Variants in RNF182 observed in about 807,000 individuals in gnomAD.
RNF182 encodes E3 ubiquitin-protein ligase RNF182.
In RNF182, 15 loss-of-function variants were observed where a neutral mutation model predicts 14.4. The ratio of observed to expected loss-of-function variants is 1.04; its 90% CI spans 0.70 to 1.60. RNF182 has a LOEUF of 1.60. Among genes scored for constraint, RNF182 ranks in the 40% most tolerant of loss-of-function variants. The pLI is 0.00. For missense variants in RNF182, 268 were observed against 294.8 expected, an observed-to-expected ratio of 0.91 and a Z score of 0.67; for synonymous variants, 128 against 122.9, an observed-to-expected ratio of 1.04 and a Z score of -0.27.
At chr6:13,971,155 A>G (rs1027590891) in intron 1 of RNF182, among the ~76,000 whole-genome samples, 1 of 151,964 alleles carries the variant, frequency 6.6e-6, no homozygotes, top group South Asian at 2.1e-4. Flanking sequence ...CCCCACCCAA[A>G]TCTCACCTTG....
intron 1 of RNF182, among the ~76,000 whole-genome samples, chr6:13,930,336 C>T (rs1270817527): frequency 2.0e-5 from 3 of 152,150 alleles, no homozygotes; most frequent in Non-Finnish European, 4.4e-5. Flanking sequence ...TGGAGCCAGC[C>T]CCCCTGCAGA....
At chr6:13,958,250 G>A (rs1259010067) in intron 1 of RNF182, among the ~76,000 whole-genome samples, 4 of 152,034 alleles carry the variant, frequency 2.6e-5, no homozygotes, top group African/African-American at 9.7e-5. Context: ...GCTGGGTGTG[G>A]TGGTGTGCGC....
At chr6:13,927,818 A>G (rs915193285) in intron 1 of RNF182, among the ~76,000 whole-genome samples, 23 of 152,250 alleles carry the variant, frequency 1.5e-4, no homozygotes, top group Non-Finnish European at 5.9e-5. Context: ...TAGCATTTAT[A>G]AAAGCACATT....
chr6:13,926,798 T>G (rs1424960232), intron 1 of RNF182, among the ~76,000 whole-genome samples: 63 of 152,058 alleles, frequency 4.1e-4, no homozygotes, highest in African/African-American at 1.3e-3. Context: ...TGTGTTTTTT[T>G]TTTTTTCCTG....
intron 1 of RNF182, among the ~76,000 whole-genome samples, chr6:13,957,042 T>C (rs945286773): frequency 1.3e-5 from 2 of 152,212 alleles, no homozygotes; most frequent in Non-Finnish European, 2.9e-5. Context: ...CCAAGGAATC[T>C]GTCAGAGGTA....
intron 1 of RNF182, among the ~76,000 whole-genome samples, chr6:13,932,020 A>G (rs1758984663): frequency 6.6e-6 from 1 of 152,222 alleles, no homozygotes; most frequent in Non-Finnish European, 1.5e-5. Flanking sequence ...TTGACCAGAT[A>G]CCTAATCTGC....
chr6:13,929,723 A>G (rs1026627751), intron 1 of RNF182, among the ~76,000 whole-genome samples: 1 of 152,176 alleles, frequency 6.6e-6, no homozygotes, highest in African/African-American at 2.4e-5. Context: ...CGTTAACCCA[A>G]AGGTACACAA....
intron 1 of RNF182, among the ~76,000 whole-genome samples, chr6:13,967,746 A>T (rs568075800): frequency 1.3e-3 from 200 of 152,086 alleles, no homozygotes; most frequent in East Asian, 2.3e-3. Flanking sequence ...ATTTTTTTTT[A>T]AAAAATAGAG....
chr6:13,976,846 CT>C (rs1428017358), intron 2 of RNF182, 62 bp from the exon 3 acceptor site: 8 of 380,760 alleles, frequency 2.1e-5, no homozygotes, highest in African/African-American at 1.6e-4. Context: ...CCATAAAGCA[CT>C]TTTCAGAAAC....
intron 1 of RNF182, among the ~76,000 whole-genome samples, chr6:13,952,116 A>G (rs1017573052): frequency 6.6e-6 from 1 of 152,098 alleles, no homozygotes; most frequent in Non-Finnish European, 1.5e-5. Flanking sequence ...GGAGAGAGAG[A>G]GAGGAAAGGG....
At chr6:13,936,155 C>A (rs1288625232) in intron 1 of RNF182, among the ~76,000 whole-genome samples, 1 of 152,194 alleles carries the variant, frequency 6.6e-6, no homozygotes, top group African/African-American at 2.4e-5. Context: ...TTAGAAACTG[C>A]CCCTTGATCT....
chr6:13,932,547 G>A (rs1399539297), intron 1 of RNF182, among the ~76,000 whole-genome samples: 2 of 151,934 alleles, frequency 1.3e-5, no homozygotes, highest in Non-Finnish European at 2.9e-5. Context: ...TGTTTATTGG[G>A]CAAATTTATG....
At chr6:13,927,586 C>CG (rs1554124411) in intron 1 of RNF182, among the ~76,000 whole-genome samples, 1 of 151,580 alleles carries the variant, frequency 6.6e-6, no homozygotes, top group Non-Finnish European at 1.5e-5. Flanking sequence ...TATCCAAAGA[C>CG]AAAAAAAAGC....
In RNF182 at chr6:13,977,435, A is replaced by G. The variant is rs778649444; in HGVS notation, c.316A>G (p.Thr106Ala). 10 of 1,614,042 alleles carry G rather than the reference A, an allele frequency of 6.2e-6. No homozygotes were observed. Among genetic ancestry groups the G allele is most frequent in the South Asian group, 2.2e-5 (2 of 91,084 alleles). Residue 106 changes from threonine to alanine, a missense_variant, in exon 3 of 3, where the codon ACT (threonine) becomes GCT (alanine). Thr to Ala is a moderately conservative substitution (Grantham distance 58, BLOSUM62 0). Transcript: ENST00000488300. ...KGKKCLPENP[T>A]ELLLTPKRLA... ...GAAGAAGTGCCTGCCAGAGAACCCT[A>G]CTGAGCTGCTGCTCACCCCCAAGAG...
At chr6:13,949,865 C>G (rs1052266698) in intron 1 of RNF182, among the ~76,000 whole-genome samples, 1 of 152,132 alleles carries the variant, frequency 6.6e-6, no homozygotes, top group African/African-American at 2.4e-5. Context: ...TAAGAAAACC[C>G]TGTTGTGCAT....
intron 1 of RNF182, among the ~76,000 whole-genome samples, chr6:13,932,472 A>G (rs1758997251): frequency 6.6e-6 from 1 of 152,190 alleles, no homozygotes; most frequent in Non-Finnish European, 1.5e-5. Context: ...TTAAATTTCA[A>G]ACCTTAAATA....
At chr6:13,958,749 T>G (rs187633264) in intron 1 of RNF182, among the ~76,000 whole-genome samples, 4 of 152,304 alleles carry the variant, frequency 2.6e-5, no homozygotes, top group Non-Finnish European at 4.4e-5. Context: ...AGTGCCATAA[T>G]AGAAAATAAG....
chr6:13,955,713 GTC>G (rs962233218), intron 1 of RNF182, among the ~76,000 whole-genome samples: 1 of 152,078 alleles, frequency 6.6e-6, no homozygotes, highest in Non-Finnish European at 1.5e-5. Flanking sequence ...TGTATGAGTG[GTC>G]TCTGTCTGCA....
At position 13,977,603 on chromosome 6, in the gene RNF182, A is replaced by G; in HGVS notation, c.484A>G (p.Thr162Ala). 1 of 1,614,184 alleles carries G rather than the reference A, an allele frequency of 6.2e-7. No individual in the cohort carries two copies. The highest frequency in any genetic ancestry group is 8.5e-7 in the Non-Finnish European group (1 of 1,180,026). Residue 162 changes from threonine (T) to alanine (A), a missense_variant, in exon 3 of 3, where the codon ACC (threonine) becomes GCC (alanine). Transcript: ENST00000488300. ...FYRPASFDSV[T>A]TVSHNWTVWN... Reference sequence around the variant, plus strand: ...TAGGCCTGCGAGTTTCGACTCTGTCACCACTGTGTCACACAACTGGACTGT... The same window carrying G: ...TAGGCCTGCGAGTTTCGACTCTGTCGCCACTGTGTCACACAACTGGACTGT...
Sources: gnomAD v4.1 joint callset for allele counts (sites outside exome capture counted in the v4.1 genomes callset) on GRCh38, gnomAD v4.1.1 for gene constraint, MANE v1.5 for transcripts, NCBI Gene and HGNC (gene_info 2026-07-23, HGNC 2026-07-21) for gene names.